CSMD1: variants seen among roughly 807,000 people sequenced by gnomAD.
CSMD1 encodes CUB and Sushi multiple domains 1, also known as CUB and sushi domain-containing protein 1.
A neutral mutation model predicts 417.5 loss-of-function variants in CSMD1; 213 were observed. The observed-to-expected ratio is 0.51, with a 90% confidence interval of 0.46 to 0.57. CSMD1 has a LOEUF of 0.57. Among genes scored for constraint, CSMD1 ranks in the 20% least tolerant of loss-of-function variants. CSMD1 has a pLI of 0.00. For missense variants in CSMD1, 6,923 were observed against 4,529.7 expected, an observed-to-expected ratio of 1.53 and a Z score of -15.17; for synonymous variants, 2,862 against 1,736.8, an observed-to-expected ratio of 1.65 and a Z score of -16.11.
chr8:4,628,887 C>A (rs17070890), intron 2 of CSMD1, among the ~76,000 whole-genome samples: 2 of 152,026 alleles, frequency 1.3e-5, no homozygotes, highest in Admixed American at 6.6e-5. Flanking sequence ...AGTTTTTACA[C>A]GCCTTTTATT....
At chr8:3,954,433 C>G (rs1430039951) in intron 5 of CSMD1, among the ~76,000 whole-genome samples, 1 of 152,142 alleles carries the variant, frequency 6.6e-6, no homozygotes, top group Non-Finnish European at 1.5e-5. Flanking sequence ...CGGTGGTGAT[C>G]TCAGCTCACT....
intron 26 of CSMD1, among the ~76,000 whole-genome samples, chr8:3,233,374 A>T (rs1334675349): frequency 6.6e-6 from 1 of 152,216 alleles, no homozygotes; most frequent in Non-Finnish European, 1.5e-5. Context: ...GGACTCCAGA[A>T]TCCCCACCAG....
At chr8:4,916,702 G>C (rs1012030139) in intron 1 of CSMD1, among the ~76,000 whole-genome samples, 9 of 152,176 alleles carry the variant, frequency 5.9e-5, no homozygotes, top group African/African-American at 1.4e-4. Context: ...TTAATGAATT[G>C]TAAGGCACCA....
intron 2 of CSMD1, among the ~76,000 whole-genome samples, chr8:4,618,480 G>T (rs1801600854): frequency 6.6e-6 from 1 of 151,986 alleles, no homozygotes; most frequent in Non-Finnish European, 1.5e-5. Flanking sequence ...ATTCTTGGTG[G>T]GAAACCAAGA....
rs113806141 is a variant in CSMD1, at chr8:4,266,978, G to T, written c.415+152975C>A. Among the ~76,000 whole-genome samples, 554 of 104,320 alleles carry T rather than the reference G, an allele frequency of 5.3e-3. 95 individuals carry two copies. Among genetic ancestry groups the T allele is most frequent in the African/African-American group, 0.014 (528 of 38,586 alleles). 68.4% of individuals were successfully genotyped at this position (104,320 alleles called of 152,430 possible). ...TAAAATTAACAATTTTGGAACTTAA[G>T]AAGATAAAAATCACTTTTGTGATTT... On this transcript the variant is annotated intron_variant, in intron 3 of 69. Coordinates refer to ENST00000635120, the MANE Select transcript of CSMD1 (RefSeq NM_033225.6).
At chr8:4,444,378 C>T (rs1160400236) in intron 2 of CSMD1, among the ~76,000 whole-genome samples, 3 of 69,040 alleles carry the variant, frequency 4.3e-5, no homozygotes, top group South Asian at 9.2e-4. Flanking sequence ...AAAAAAAAAG[C>T]AGAGGTTCTT....
At chr8:4,173,805 G>A (rs1174061818) in intron 3 of CSMD1, among the ~76,000 whole-genome samples, 1 of 152,086 alleles carries the variant, frequency 6.6e-6, no homozygotes, top group Non-Finnish European at 1.5e-5. Context: ...GGTGAGGTGC[G>A]CTTGAGGAAC....
intron 1 of CSMD1, among the ~76,000 whole-genome samples, chr8:4,712,015 CAG>C (rs986183079): frequency 2.8e-4 from 43 of 152,210 alleles, no homozygotes; most frequent in African/African-American, 1.0e-3. Context: ...TAAGAGTCTA[CAG>C]AGAAAATCTA....
chr8:3,187,742 A>C (rs2129049917), intron 36 of CSMD1, 127 bp downstream of exon 36: 2 of 675,228 alleles, frequency 3.0e-6, no homozygotes, highest in Non-Finnish European at 5.2e-6. Context: ...GCACTAGAGC[A>C]ACCATTATGG....
chr8:4,600,879 T>C (rs987148738), intron 2 of CSMD1, among the ~76,000 whole-genome samples: 8 of 152,142 alleles, frequency 5.3e-5, no homozygotes, highest in African/African-American at 7.2e-5. Context: ...GCCACATTTA[T>C]ACAGACTGTT....
chr8:3,561,564 C>T (rs539512813), intron 10 of CSMD1, among the ~76,000 whole-genome samples: 1 of 151,988 alleles, frequency 6.6e-6, no homozygotes, highest in Admixed American at 6.6e-5. Flanking sequence ...AAATGGGAAC[C>T]AAACAATGGG....
At chr8:3,159,702 G>A (rs1400254924) in intron 38 of CSMD1, among the ~76,000 whole-genome samples, 4 of 152,148 alleles carry the variant, frequency 2.6e-5, no homozygotes, top group African/African-American at 9.7e-5. Flanking sequence ...TTGTAACGAA[G>A]AAAAGAAACA....
At chr8:4,687,895 C>T (rs761196910) in intron 1 of CSMD1, among the ~76,000 whole-genome samples, 20 of 152,010 alleles carry the variant, frequency 1.3e-4, no homozygotes, top group Non-Finnish European at 2.5e-4. Flanking sequence ...AGGAGCCAAT[C>T]TGGATAACGA....
intron 1 of CSMD1, among the ~76,000 whole-genome samples, chr8:4,665,756 T>G (rs1804881009): frequency 6.6e-6 from 1 of 152,234 alleles, no homozygotes; most frequent in Non-Finnish European, 1.5e-5. Context: ...GTGGTTACCA[T>G]TTGCATATTA....
intron 3 of CSMD1, among the ~76,000 whole-genome samples, chr8:4,054,919 T>C (rs1798613545): frequency 6.6e-6 from 1 of 152,136 alleles, no homozygotes; most frequent in African/African-American, 2.4e-5. Context: ...CTCTGGGGTT[T>C]CTCTTTTAAA....
intron 26 of CSMD1, among the ~76,000 whole-genome samples, chr8:3,283,137 C>T (rs1802865949): frequency 6.6e-6 from 1 of 152,144 alleles, no homozygotes; most frequent in Non-Finnish European, 1.5e-5. Context: ...AGTAATTCAG[C>T]AGAGGTTCCT....
At chr8:3,547,119 T>TG (rs1381778595) in intron 10 of CSMD1, among the ~76,000 whole-genome samples, 5 of 152,162 alleles carry the variant, frequency 3.3e-5, no homozygotes, top group Non-Finnish European at 5.9e-5. Context: ...CCAACCCTCA[T>TG]GCTGCCATTC....
intron 12 of CSMD1, among the ~76,000 whole-genome samples, chr8:3,448,193 A>G (rs1376566665): frequency 2.0e-5 from 3 of 149,980 alleles, no homozygotes; most frequent in Non-Finnish European, 4.4e-5. Flanking sequence ...AGAACAAATA[A>G]AAAGCCTGTC....
chr8:4,956,034 C>A (rs368939485), intron 1 of CSMD1, among the ~76,000 whole-genome samples: 2 of 152,160 alleles, frequency 1.3e-5, no homozygotes, highest in Non-Finnish European at 2.9e-5. Flanking sequence ...CAGTCACGTG[C>A]TCAAAGACCA....
Sources: gnomAD v4.1 joint callset for allele counts (sites outside exome capture counted in the v4.1 genomes callset) on GRCh38, gnomAD v4.1.1 for gene constraint, MANE v1.5 for transcripts, NCBI Gene and HGNC (gene_info 2026-07-23, HGNC 2026-07-21) for gene names.